Variants in ERC1 observed in about 807,000 individuals in gnomAD.
The protein encoded by ERC1 is ELKS/RAB6-interacting/CAST family member 1.
A neutral mutation model predicts 132.0 loss-of-function variants in ERC1; 56 were observed. The ratio of observed to expected loss-of-function variants is 0.42; its 90% CI spans 0.34 to 0.53. The LOEUF (loss-of-function observed/expected upper bound fraction) is 0.53, where lower values mean the gene tolerates loss of function less well. Ranked by LOEUF, ERC1 falls within the 20% of genes least tolerant of loss-of-function variation. The pLI is 0.03. For synonymous variants in ERC1, 478 were observed against 476.1 expected (o/e 1.00, Z -0.05); for missense variants, 1,202 against 1,349.9 (o/e 0.89, Z 1.72).
At chr12:1,425,690 T>A (rs1481129402) in intron 17 of ERC1, among the ~76,000 whole-genome samples, 4 of 151,768 alleles carry the variant, frequency 2.6e-5, no homozygotes, top group African/African-American at 9.7e-5. Flanking sequence ...CCAAACTTAC[T>A]TTTTTTCTGA....
intron 2 of ERC1, among the ~76,000 whole-genome samples, chr12:1,076,329 T>A (rs1174008768): frequency 6.6e-6 from 1 of 152,152 alleles, no homozygotes. Context: ...GTGGTTTGTA[T>A]TTTGGCCAGT....
Position 1,400,908 on chromosome 12 carries a change from ATTTTTGTATTTTTT to A in ERC1, c.2926-7235_2926-7222del, listed in dbSNP as rs2090970985. 1.5e-3 allele frequency among the ~76,000 whole-genome samples: 66 copies of A among 43,406 alleles called. 10 individuals are homozygous for A. Among genetic ancestry groups the A allele is most frequent in the African/African-American group, 3.5e-3 (53 of 15,004 alleles). 28.5% of individuals were successfully genotyped at this position (43,406 alleles called of 152,430 possible). ...CTTCTCATTCAATATTGTTTTGGCT[ATTTTTGTATTTTTT>A]TTTTTTTTTTTTTTTTTTTTTTTTT... is the stretch of plus-strand genomic sequence containing the variant. On this transcript the variant is annotated intron_variant, in intron 16 of 18. Transcript: ENST00000360905.
chr12:993,249 C>T (rs1335495659), intron 1 of ERC1, among the ~76,000 whole-genome samples: 2 of 152,102 alleles, frequency 1.3e-5, no homozygotes, highest in Admixed American at 6.6e-5. Context: ...ATCTAGTTTT[C>T]GCTTTTAAAT....
At chr12:1,190,258 G>A (rs1955576394) in intron 12 of ERC1, 2 of 707,510 alleles carry the variant, frequency 2.8e-6, no homozygotes, top group African/African-American at 3.5e-5. Context: ...GAATAAATTG[G>A]GAAGCTATGG....
intron 14 of ERC1, among the ~76,000 whole-genome samples, chr12:1,271,772 T>C (rs930676685): frequency 5.3e-5 from 8 of 152,350 alleles, no homozygotes; most frequent in Admixed American, 6.5e-5. Flanking sequence ...ATTTCATATC[T>C]TTACACCAAT....
At chr12:1,154,381 A>ACT (rs376759271) in intron 8 of ERC1, among the ~76,000 whole-genome samples, 93 of 139,722 alleles carry the variant, frequency 6.7e-4, no homozygotes, top group African/African-American at 2.3e-3. Flanking sequence ...ACACACACAC[A>ACT]CTTTCTGTCT....
rs537043948 is a variant in ERC1, at chr12:1,145,152, G to A, written c.1737+3365G>A. ...CTACCTCAGCCTCCTGAGTAGCTGG[G>A]ATTACGGGTGCTCGCCACCACGCCC... On this transcript the variant is annotated intron_variant, in intron 8 of 18. Transcript: ENST00000360905. 2.6e-5 allele frequency among the ~76,000 whole-genome samples: 4 copies of A among 152,032 alleles called. No homozygotes were observed. The South Asian group carries it at 8.3e-4, about 32-fold the overall frequency.
intron 2 of ERC1, among the ~76,000 whole-genome samples, chr12:1,054,815 G>A (rs1972645241): frequency 6.6e-6 from 1 of 152,084 alleles, no homozygotes; most frequent in African/African-American, 2.4e-5. Flanking sequence ...AGGGGGCAGG[G>A]TAGAAAGAAA....
intron 15 of ERC1, among the ~76,000 whole-genome samples, chr12:1,293,913 CA>C (rs2079699475): frequency 6.6e-6 from 1 of 152,078 alleles, no homozygotes; most frequent in Non-Finnish European, 1.5e-5. Flanking sequence ...AAGCATTTTT[CA>C]CAATGGGCTA....
chr12:1,010,559 G>A (rs546061778), intron 1 of ERC1, among the ~76,000 whole-genome samples: 3 of 142,512 alleles, frequency 2.1e-5, no homozygotes, highest in African/African-American at 5.2e-5. Flanking sequence ...TGCCCAGGCT[G>A]TAGTGCAATG....
chr12:1,323,406 T>C (rs1293269633), intron 15 of ERC1, among the ~76,000 whole-genome samples: 1 of 152,178 alleles, frequency 6.6e-6, no homozygotes, highest in East Asian at 1.9e-4. Context: ...CATATTGCAG[T>C]TTTTCAGGGC....
chr12:1,012,347 G>A (rs1202960790), intron 1 of ERC1, among the ~76,000 whole-genome samples: 3 of 152,092 alleles, frequency 2.0e-5, no homozygotes, highest in Non-Finnish European at 2.9e-5. Context: ...AGAGAATGAT[G>A]TAATTAATAT....
intron 14 of ERC1, among the ~76,000 whole-genome samples, chr12:1,274,475 TTTTATTTTA>T (rs950230131): frequency 7.5e-5 from 11 of 146,384 alleles, no homozygotes; most frequent in African/African-American, 1.1e-4. Context: ...TTTTATTTTA[TTTTATTTTA>T]TTTATTTATT....
intron 14 of ERC1, among the ~76,000 whole-genome samples, chr12:1,265,615 A>G (rs1448218059): frequency 6.6e-6 from 1 of 152,146 alleles, no homozygotes; most frequent in Non-Finnish European, 1.5e-5. Context: ...ACTTTTCGTG[A>G]CGCACAGTCC....
intron 1 of ERC1, among the ~76,000 whole-genome samples, chr12:1,026,199 GC>G (rs1334603028): frequency 6.6e-6 from 1 of 152,176 alleles, no homozygotes; most frequent in Non-Finnish European, 1.5e-5. Context: ...ATGGCGACAG[GC>G]AAGAGAACTT....
chr12:1,419,255 T>C (rs2092325839), intron 17 of ERC1, among the ~76,000 whole-genome samples: 3 of 152,082 alleles, frequency 2.0e-5, no homozygotes, highest in African/African-American at 2.4e-5. Flanking sequence ...AATGTATGTA[T>C]GTTGGACTAA....
intron 15 of ERC1, among the ~76,000 whole-genome samples, chr12:1,319,087 T>G (rs764846593): frequency 2.0e-5 from 3 of 152,178 alleles, no homozygotes; most frequent in Non-Finnish European, 2.9e-5. Context: ...TTTGTCCTAT[T>G]TATTCCATGT....
At chr12:994,062 G>A (rs1232910285) in intron 1 of ERC1, among the ~76,000 whole-genome samples, 3 of 57,474 alleles carry the variant, frequency 5.2e-5, no homozygotes, top group East Asian at 5.2e-4. Context: ...GCAAAACTCC[G>A]TCTCAAAAAA....
At chr12:1,453,377 C>G (rs1367846785) in intron 18 of ERC1, among the ~76,000 whole-genome samples, 1 of 152,184 alleles carries the variant, frequency 6.6e-6, no homozygotes, top group East Asian at 1.9e-4. Context: ...TGTACCAATT[C>G]TCTAGCCTAG....
Sources: allele counts gnomAD v4.1 joint callset (sites outside exome capture counted in the v4.1 genomes callset), GRCh38; gene constraint gnomAD v4.1.1; transcripts MANE v1.5; gene names NCBI Gene and HGNC (gene_info 2026-07-23, HGNC 2026-07-21).